The following CMYA5 variants were observed in gnomAD, a reference collection of about 807,000 sequenced individuals.
The protein encoded by CMYA5 is cardiomyopathy associated 5.
Under a neutral mutation model 318.9 loss-of-function variants are expected in CMYA5, and 246 were observed. That is an observed-to-expected ratio of 0.77 (90% confidence interval 0.70 to 0.86). CMYA5 has a LOEUF of 0.86. Ranked by LOEUF, CMYA5 falls within the 40% of genes least tolerant of loss-of-function variation. The pLI is 0.00. For synonymous variants in CMYA5, 1,641 were observed against 1,729.5 expected (o/e 0.95, Z 1.27); for missense variants, 4,589 against 4,678.2 (o/e 0.98, Z 0.56).
Position 79,745,297 on chromosome 5 carries a change from G to A in CMYA5, c.10810G>A (p.Asp3604Asn), listed in dbSNP as rs747470811. The change falls in exon 4 of 13, where the codon GAT becomes AAT. Residue 3604 changes from aspartate (D) to asparagine (N), a missense_variant. Transcript: ENST00000446378. Reference sequence around the variant, plus strand: ...GATGAAGAAGGTTTTAGCACAGTATGATGAGAAAGCCCAGAGCTTTGAGGA... The same window carrying A: ...GATGAAGAAGGTTTTAGCACAGTATAATGAGAAAGCCCAGAGCTTTGAGGA... The part of the protein sequence containing the change: ...EMMKKVLAQY[D>N]EKAQSFEEVK... The A allele has an allele frequency of 6.2e-7, 1 of 1,613,610 alleles. No individual in the cohort carries two copies.
In CMYA5 at chr5:79,690,027, G is replaced by A; in HGVS notation, c.120G>A (p.Ala40=). The A allele has an allele frequency of 2.0e-6, 3 of 1,475,606 alleles. No individual in the cohort carries two copies. The highest frequency in any genetic ancestry group is 1.3e-5 in the South Asian group (1 of 75,446). The allele number at this position is 1,475,606 out of a possible 1,614,324, so 91.4% of individuals were successfully genotyped here. Residue 40 remains alanine (A), a synonymous_variant, in exon 1 of 13, where the codon GCG becomes GCA. Coordinates refer to ENST00000446378, the MANE Select transcript of CMYA5 (RefSeq NM_153610.5). ...EESEGEEDET[A]AESEEEPDSR... ...CGGAGGGCGAGGAGGACGAGACGGC[G>A]GCGGAGTCGGAGGAGGAGCCGGACT...
intron 2 of CMYA5, among the ~76,000 whole-genome samples, chr5:79,742,048 CTCTTCT>C (rs200715392): frequency 0.27 from 27,379 of 101,498 alleles, 3,497 homozygotes; most frequent in Admixed American, 0.4. Context: ...CCTCTTTCTC[CTCTTCT>C]TCTTCTTCTT....
chr5:79,755,590 A>G (rs1376364763), intron 6 of CMYA5, among the ~76,000 whole-genome samples: 2 of 152,120 alleles, frequency 1.3e-5, no homozygotes, highest in Non-Finnish European at 2.9e-5. Flanking sequence ...CCCGGCCAGC[A>G]TCATACTTAT....
chr5:79,763,143 C>G lies in CMYA5; in HGVS notation c.11489C>G (p.Pro3830Arg). The change falls in exon 9 of 13, where the codon CCA (proline) becomes CGA (arginine). Residue 3830 changes from proline (P) to arginine (R), a missense_variant. Around this residue, in one of 3 missense-constraint regions of CMYA5, gnomAD observed 2,431 missense variants for 2,495.1 expected, o/e 0.97. Coordinates refer to ENST00000446378, the MANE Select transcript of CMYA5 (RefSeq NM_153610.5). ...ACTATCCGATGGCGGCCCACCACCCCAGAGGCCACGGAGACCTACACTCTG... is the reference window on the plus strand; with the variant it reads ...ACTATCCGATGGCGGCCCACCACCCGAGAGGCCACGGAGACCTACACTCTG... ...TATIRWRPTT[P>R]EATETYTLEY... is the part of the protein sequence containing the mutation. The G allele has an allele frequency of 6.2e-7, 1 of 1,610,430 alleles. No individual in the cohort carries two copies.
At chr5:79,790,827 T>G in intron 10 of CMYA5, 143 bp from the exon 11 acceptor site, 1 of 618,940 alleles carries the variant, frequency 1.6e-6, no homozygotes, top group African/African-American at 1.8e-5. Context: ...ATGAGTGAAG[T>G]TTTCAGCTGT....
chr5:79,737,558 T>C lies in CMYA5; in HGVS notation c.8793T>C (p.Ser2931=). Residue 2931 remains serine (S), a synonymous_variant, in exon 2 of 13, where the codon AGT becomes AGC. Transcript: ENST00000446378. ...AAGGTGAAGACTTTACAGTGACTAG[T>C]AAGCCAGCCGGACTTTCAGAAGATC... The part of the protein sequence containing the change: ...YAKGEDFTVT[S]KPAGLSEDQK... 1 of 1,613,700 alleles carries C rather than the reference T, an allele frequency of 6.2e-7. No individual in the cohort carries two copies. The highest frequency in any genetic ancestry group is 2.2e-5 in the East Asian group (1 of 44,872).
chr5:79,772,789 G>A (rs1358264663), intron 9 of CMYA5, among the ~76,000 whole-genome samples: 2 of 152,180 alleles, frequency 1.3e-5, no homozygotes, highest in Non-Finnish European at 2.9e-5. Context: ...GTGGCCATGT[G>A]TTATGGTTCT....
intron 7 of CMYA5, among the ~76,000 whole-genome samples, chr5:79,760,148 C>G (rs911099106): frequency 1.3e-5 from 2 of 148,928 alleles, no homozygotes; most frequent in Non-Finnish European, 3.0e-5. Context: ...TTTCATGGCT[C>G]TCTGAGACCC....
chr5:79,739,206 T>G lies in CMYA5; in HGVS notation c.10441T>G (p.Leu3481Val), dbSNP rs748098962. 8 of 1,612,972 alleles carry G rather than the reference T, an allele frequency of 5.0e-6. No homozygotes were observed. The highest frequency in any genetic ancestry group is 5.9e-6 in the Non-Finnish European group (7 of 1,179,616). Residue 3481 changes from leucine to valine, a missense_variant, in exon 2 of 13, where the codon TTG (leucine) becomes GTG (valine). Around this residue, in one of 3 missense-constraint regions of CMYA5, gnomAD observed 2,431 missense variants for 2,495.1 expected, o/e 0.97. Transcript: ENST00000446378. ...EQSTPAEQKE[L>V]GSERKEEDQL... ...AAGTACACCTGCTGAACAAAAAGAG[T>G]TGGGCAGCGAGAGGAAAGAAGAAGA... is the stretch of plus-strand genomic sequence containing the variant.
At chr5:79,762,976 C>A in intron 8 of CMYA5, 86 bp from the exon 9 acceptor site, 1 of 1,433,518 alleles carries the variant, frequency 7.0e-7, no homozygotes, top group Non-Finnish European at 9.5e-7. Flanking sequence ...AGAATCATGC[C>A]GAAGCCGTGG....
chr5:79,793,909 G>A (rs1358780111), intron 12 of CMYA5, among the ~76,000 whole-genome samples: 1 of 152,230 alleles, frequency 6.6e-6, no homozygotes, highest in Non-Finnish European at 1.5e-5. Flanking sequence ...GCAGGGCAGA[G>A]TTGGTGCCTG....
Position 79,738,230 on chromosome 5 carries a change from G to C in CMYA5, c.9465G>C (p.Met3155Ile). The C allele has an allele frequency of 6.2e-7, 1 of 1,613,736 alleles. No homozygotes were observed. The highest frequency in any genetic ancestry group is 8.5e-7 in the Non-Finnish European group (1 of 1,179,820). The change falls in exon 2 of 13, where the codon ATG becomes ATC. Residue 3155 changes from methionine to isoleucine, a missense_variant. Met to Ile is a conservative substitution (Grantham distance 10, BLOSUM62 1). This residue lies in a region of CMYA5 where 2,431 missense variants were observed against 2,495.1 expected (regional missense o/e 0.97). Coordinates refer to ENST00000446378, the MANE Select transcript of CMYA5 (RefSeq NM_153610.5). ...ATGTGGACTCAAAGTCACCGGGGAT[G>C]CCTTTATTTGAAGCAGAGGAAGGAG... ...KRDVDSKSPG[M>I]PLFEAEEGVL...
chr5:79,702,878 A>G (rs1827198898), intron 1 of CMYA5, among the ~76,000 whole-genome samples: 1 of 152,226 alleles, frequency 6.6e-6, no homozygotes, highest in Non-Finnish European at 1.5e-5. Flanking sequence ...CAGCAGTTCC[A>G]TATTGCAGCA....
rs770692391 is a variant in CMYA5 at position 79,731,089 on chromosome 5, C to T, written c.2324C>T (p.Ser775Leu). The change falls in exon 2 of 13, where the codon TCA (serine) becomes TTA (leucine). Residue 775 changes from serine to leucine, a missense_variant. By Grantham distance (145) the Ser-to-Leu change is moderately radical (BLOSUM62 -2). Around this residue, in one of 3 missense-constraint regions of CMYA5, gnomAD observed 2,132 missense variants for 2,131.3 expected, o/e 1.00. Coordinates refer to ENST00000446378, the MANE Select transcript of CMYA5 (RefSeq NM_153610.5). ...TCACCACTGCCTTCTACTGCCACAT[C>T]AGAACACGTGGTCCCATCAGAAGGA... ...CQSPLPSTAT[S>L]EHVVPSEGED... is the part of the protein sequence containing the mutation. 3 of 1,613,998 alleles carry T rather than the reference C, an allele frequency of 1.9e-6. No homozygotes were observed. Among genetic ancestry groups the T allele is most frequent in the Middle Eastern group, 1.6e-4 (1 of 6,062 alleles).
intron 1 of CMYA5, among the ~76,000 whole-genome samples, chr5:79,704,490 T>C (rs1827233896): frequency 6.6e-6 from 1 of 152,106 alleles, no homozygotes; most frequent in Non-Finnish European, 1.5e-5. Context: ...AAGCAAGTCA[T>C]GCCAACAAGC....
chr5:79,778,756 A>T (rs115891743), intron 9 of CMYA5, among the ~76,000 whole-genome samples: 3,345 of 148,698 alleles, frequency 0.022, 45 homozygotes, highest in Middle Eastern at 0.041. Flanking sequence ...AATAGCTTTT[A>T]ACTTGGGTAG....
chr5:79,760,973 G>T (rs1031102594), intron 7 of CMYA5, among the ~76,000 whole-genome samples: 4 of 152,094 alleles, frequency 2.6e-5, no homozygotes, highest in African/African-American at 9.7e-5. Context: ...AAACAGTCTG[G>T]GTTCTTAAGT....
intron 9 of CMYA5, among the ~76,000 whole-genome samples, chr5:79,774,079 C>T (rs1828898851): frequency 6.6e-6 from 1 of 152,160 alleles, no homozygotes; most frequent in South Asian, 2.1e-4. Flanking sequence ...CTGGCGATTC[C>T]AATTTAAGAC....
At chr5:79,798,761 G>C (rs959765995) in intron 12 of CMYA5, among the ~76,000 whole-genome samples, 1 of 152,182 alleles carries the variant, frequency 6.6e-6, no homozygotes, top group African/African-American at 2.4e-5. Context: ...AGTTGAATTT[G>C]TCTGAATTAA....
Sources: gnomAD v4.1 joint callset for allele counts (sites outside exome capture counted in the v4.1 genomes callset) on GRCh38, gnomAD v4.1.1 for gene constraint, gnomAD v4.1.1 regional missense constraint, MANE v1.5 for transcripts, NCBI Gene and HGNC (gene_info 2026-07-23, HGNC 2026-07-21) for gene names.